Variants in DGKK observed in about 807,000 individuals in gnomAD.
DGKK encodes the protein 142 kDa diacylglycerol kinase.
DGKK carries 35 observed loss-of-function variants against 92.2 expected under a neutral mutation model. That is an observed-to-expected ratio of 0.38 (90% CI 0.29 to 0.50). The LOEUF is 0.50. Among genes scored for constraint, DGKK ranks in the 20% least tolerant of loss-of-function variants. DGKK has a pLI of 0.92. For missense variants in DGKK, 910 were observed against 992.2 expected (o/e 0.92, Z 1.11); for synonymous variants, 368 against 360.6 (o/e 1.02, Z -0.23).
chrX:50,427,447 C>A (rs983762733), intron 1 of DGKK, among the ~76,000 whole-genome samples: 1 of 110,165 alleles, frequency 9.1e-6, no homozygotes, highest in Non-Finnish European at 1.9e-5. Context: ...TGTCATTATA[C>A]ATTTGTCAAA....
intron 1 of DGKK, among the ~76,000 whole-genome samples, chrX:50,454,738 T>G (rs1809221499): frequency 9.0e-6 from 1 of 111,446 alleles, no homozygotes; most frequent in Admixed American, 9.6e-5. Context: ...TTCCCTAACT[T>G]GAATTTGGAG....
intron 14 of DGKK, among the ~76,000 whole-genome samples, chrX:50,386,846 T>C (rs1007374119): frequency 8.9e-6 from 1 of 111,966 alleles, no homozygotes; most frequent in Non-Finnish European, 1.9e-5. Flanking sequence ...TCAGTGTATA[T>C]AGCTGAGTCT....
rs1462717821 is a variant in DGKK, at chrX:50,391,725, G to T, written c.1705-149C>A. ...TCAGATTCTGGGGAAGGTAATGAGA[G>T]GATGTTTGCAATTGGGTGAAATTTT... On this transcript the variant is annotated intron_variant, in intron 10 of 27. Coordinates refer to ENST00000611977, the MANE Select transcript of DGKK (RefSeq NM_001013742.4). 3 of 642,660 alleles carry T rather than the reference G, an allele frequency of 4.7e-6. No individual in the cohort carries two copies. In the African/African-American group the frequency reaches 6.7e-5, roughly 14 times the overall value. 53.0% of individuals were successfully genotyped at this position (642,660 alleles called of 1,213,427 possible).
intron 2 of DGKK, 71 bp from the exon 3 acceptor site, chrX:50,422,597 AACACACACAC>A (rs59226442): frequency 1.5e-4 from 51 of 350,815 alleles, no homozygotes; most frequent in Middle Eastern, 1.3e-3. Flanking sequence ...TTAAAAGGTA[AACACACACAC>A]ACACACACAC....
chrX:50,420,333 G>C, intron 4 of DGKK, 70 bp downstream of exon 4: 1 of 967,061 alleles, frequency 1.0e-6, no homozygotes. Context: ...CTGCTCTAAA[G>C]GTGGCTTAAC....
At chrX:50,408,954 TG>T (rs1301996691) in intron 4 of DGKK, among the ~76,000 whole-genome samples, 1 of 111,226 alleles carries the variant, frequency 9.0e-6, no homozygotes, top group Non-Finnish European at 1.9e-5. Flanking sequence ...GACATGAATT[TG>T]GGGGGGACTA....
intron 1 of DGKK, among the ~76,000 whole-genome samples, chrX:50,445,079 G>A (rs1285904036): frequency 2.9e-5 from 3 of 103,259 alleles, no homozygotes; most frequent in African/African-American, 7.0e-5. Context: ...TGTAGGTTGC[G>A]TGTATGTCTT....
chrX:50,450,144 G>C (rs1926462984), intron 1 of DGKK, among the ~76,000 whole-genome samples: 1 of 111,586 alleles, frequency 9.0e-6, no homozygotes, highest in South Asian at 3.8e-4. Context: ...TTCATATTTG[G>C]CTCCATATGC....
intron 26 of DGKK, among the ~76,000 whole-genome samples, chrX:50,371,419 C>T (rs961267355): frequency 7.1e-5 from 8 of 111,965 alleles, no homozygotes; most frequent in Non-Finnish European, 1.3e-4. Flanking sequence ...GCCAGGAAAA[C>T]AACACACAAA....
chrX:50,429,561 C>A (rs540363774), intron 1 of DGKK, among the ~76,000 whole-genome samples: 7 of 111,132 alleles, frequency 6.3e-5, no homozygotes, highest in Non-Finnish European at 1.3e-4. Flanking sequence ...TGGTGGCGGG[C>A]GCCTGTAGTC....
In DGKK at chrX:50,376,170, A is replaced by G. The variant is rs1218780953; in HGVS notation, c.3273-5T>C. The G allele has an allele frequency of 5.0e-6, 6 of 1,207,778 alleles. No homozygotes were observed. The highest frequency in any genetic ancestry group is 1.1e-6 in the Non-Finnish European group (1 of 894,135). On this transcript the variant is annotated splice_region_variant and splice_polypyrimidine_tract_variant and intron_variant, in intron 23 of 27. Coordinates refer to ENST00000611977, the MANE Select transcript of DGKK (RefSeq NM_001013742.4). ...ATCTTGCTCAGGTCATTAAGTCTGT[A>G]ATAAAGCAAGGACAGATAGATGAGT...
intron 4 of DGKK, among the ~76,000 whole-genome samples, chrX:50,414,057 A>G (rs1213180111): frequency 1.8e-5 from 2 of 112,143 alleles, no homozygotes; most frequent in African/African-American, 6.5e-5. Flanking sequence ...ATCACTGGTG[A>G]CAACATGGGT....
chrX:50,413,802 T>A (rs782350248), intron 4 of DGKK, among the ~76,000 whole-genome samples: 1 of 111,649 alleles, frequency 9.0e-6, no homozygotes, highest in African/African-American at 3.3e-5. Flanking sequence ...GTATAGGGGT[T>A]CCTCAAAAAA....
At chrX:50,392,272 C>T in intron 10 of DGKK, 69 bp downstream of exon 10, 2 of 848,780 alleles carry the variant, frequency 2.4e-6, no homozygotes, top group Non-Finnish European at 3.5e-6. Flanking sequence ...CTTGGGACTT[C>T]TTGGGATGGG....
At position 50,370,488 on chromosome X, in the gene DGKK, C is replaced by T. The variant is rs782158470; in HGVS notation, c.3674G>A (p.Gly1225Glu). ...GCGTTCCTCTTCTACCTTTTTCTTT[C>T]CCAATTTGGGGAACTTAATTTTCAG... is the stretch of plus-strand genomic sequence containing the variant. ...LRLKIKFPKL[G>E]KKKVEEERKP... Residue 1225 changes from glycine to glutamate, a missense_variant, in exon 27 of 28, where the codon GGA (glycine) becomes GAA (glutamate). By Grantham distance (98) the Gly-to-Glu change is moderately conservative. Transcript: ENST00000611977. The T allele has an allele frequency of 8.4e-6, 10 of 1,192,228 alleles. No homozygotes were observed. In the South Asian group the frequency reaches 1.1e-4, roughly 13 times the overall value.
intron 1 of DGKK, among the ~76,000 whole-genome samples, chrX:50,432,857 A>C (rs5961181): frequency 0.38 from 42,367 of 110,865 alleles, 6,191 homozygotes; most frequent in African/African-American, 0.5. Context: ...CTTCTCAAAT[A>C]TCTCTGCCCC....
rs782710689 is a variant in DGKK, at chrX:50,388,529, G to C, written c.2016C>G (p.Thr672=). 2 of 1,201,814 alleles carry C rather than the reference G, an allele frequency of 1.7e-6. No individual in the cohort carries two copies. The highest frequency in any genetic ancestry group is 5.9e-5 in the East Asian group (2 of 33,630). ...AKYPTEMIIA[T]RFLCSAVEDF... is the part of the protein sequence containing the mutation. ...ATGAGAGCCAAAGGAAGACTGACCT[G>C]GTTGCGATGATCATCTCTGTGGGGT... is the stretch of plus-strand genomic sequence containing the variant. Residue 672 remains threonine, a splice_region_variant and synonymous_variant, in exon 13 of 28, where the codon ACC becomes ACG. Transcript: ENST00000611977.
At chrX:50,429,274 C>T (rs1178028722) in intron 1 of DGKK, among the ~76,000 whole-genome samples, 1 of 111,843 alleles carries the variant, frequency 8.9e-6, no homozygotes, top group Non-Finnish European at 1.9e-5. Flanking sequence ...TTCCTCTCCC[C>T]GTGATGAGAA....
chrX:50,422,371 A>G, intron 3 of DGKK, 75 bp downstream of exon 3: 1 of 838,023 alleles, frequency 1.2e-6, no homozygotes, highest in East Asian at 3.3e-5. Flanking sequence ...CAAAGAAGCA[A>G]GAAGTGGTCA....
Sources: gnomAD v4.1 joint callset for allele counts (sites outside exome capture counted in the v4.1 genomes callset) on GRCh38, gnomAD v4.1.1 for gene constraint, MANE v1.5 for transcripts, NCBI Gene and HGNC (gene_info 2026-07-23, HGNC 2026-07-21) for gene names.